Variants in KLHL29 observed in about 807,000 individuals in gnomAD.
The protein encoded by KLHL29 is kelch-like protein 29.
In KLHL29, 21 loss-of-function variants were observed where a neutral mutation model predicts 80.4. The observed-to-expected ratio is 0.26, with a 90% CI of 0.19 to 0.38. KLHL29 has a LOEUF of 0.38. Ranked by LOEUF, KLHL29 falls within the 10% of genes least tolerant of loss-of-function variation. The pLI is 1.00. For missense variants in KLHL29, 867 were observed against 1,223.9 expected (o/e 0.71, Z 4.35); for synonymous variants, 511 against 526.8 (o/e 0.97, Z 0.41).
At chr2:23,598,033 C>T (rs1162005254) in intron 3 of KLHL29, among the ~76,000 whole-genome samples, 1 of 152,154 alleles carries the variant, frequency 6.6e-6, no homozygotes, top group Non-Finnish European at 1.5e-5. Flanking sequence ...ATCCGAAAGT[C>T]AGTGAGAGAT....
intron 2 of KLHL29, among the ~76,000 whole-genome samples, chr2:23,494,443 G>A (rs935724422): frequency 6.6e-6 from 1 of 152,136 alleles, no homozygotes; most frequent in Non-Finnish European, 1.5e-5. Flanking sequence ...TTAAGGAAAC[G>A]CTTCCTGGGA....
chr2:23,681,881 T>C lies in KLHL29; in HGVS notation c.941-2518T>C, dbSNP rs1316306727. On this transcript the variant is annotated intron_variant, in intron 5 of 13. Coordinates refer to ENST00000486442, the MANE Select transcript of KLHL29 (RefSeq NM_052920.2). This position sits in a 1 kb window ranked among gnomAD's most constrained non-coding sequence, Gnocchi z 4.2. ...ACGTGTGAGCATGGCAGCTGAGCCT[T>C]ATCCAGCCTGGCCCTGCAACTGGCC... 5.3e-5 allele frequency among the ~76,000 whole-genome samples: 8 copies of C among 152,154 alleles called. No homozygotes were observed. The highest frequency in any genetic ancestry group is 8.8e-5 in the Non-Finnish European group (6 of 68,014).
chr2:23,417,996 G>A (rs185607414), intron 1 of KLHL29, among the ~76,000 whole-genome samples: 1 of 152,260 alleles, frequency 6.6e-6, no homozygotes, highest in African/African-American at 2.4e-5. Flanking sequence ...TTTCCCCTCA[G>A]CTAGATTGTG....
At chr2:23,458,702 G>A (rs1182351875) in intron 1 of KLHL29, among the ~76,000 whole-genome samples, 32 of 152,230 alleles carry the variant, frequency 2.1e-4, no homozygotes, top group Non-Finnish European at 7.3e-5. Context: ...CAGGTGAAGA[G>A]AGAGAGGAAC....
intron 3 of KLHL29, among the ~76,000 whole-genome samples, chr2:23,579,537 C>A (rs1667929007): frequency 6.6e-6 from 1 of 152,150 alleles, no homozygotes; most frequent in South Asian, 2.1e-4. Flanking sequence ...TACTACCCAT[C>A]AGTGAGCTGA....
chr2:23,666,561 C>G (rs559806545), intron 5 of KLHL29, among the ~76,000 whole-genome samples: 2 of 152,350 alleles, frequency 1.3e-5, no homozygotes, highest in East Asian at 3.9e-4. Flanking sequence ...TTATGGAGAC[C>G]ATGACTGTTC....
intron 1 of KLHL29, among the ~76,000 whole-genome samples, chr2:23,442,768 A>C (rs115524326): frequency 6.6e-6 from 1 of 152,208 alleles, no homozygotes; most frequent in Non-Finnish European, 1.5e-5. Context: ...GGGAGGGGCC[A>C]TACACAGAGG....
chr2:23,699,376 T>TG (rs1435662470), intron 11 of KLHL29, among the ~76,000 whole-genome samples: 1 of 152,146 alleles, frequency 6.6e-6, no homozygotes, highest in Non-Finnish European at 1.5e-5. Flanking sequence ...AGCAGCATGG[T>TG]GGGCGGTAGA....
At chr2:23,636,709 T>C (rs1041323751) in intron 3 of KLHL29, among the ~76,000 whole-genome samples, 1 of 152,160 alleles carries the variant, frequency 6.6e-6, no homozygotes. Flanking sequence ...AGAAACAAAC[T>C]AAATGAGTGA....
At chr2:23,407,213 A>T (rs930149995) in intron 1 of KLHL29, among the ~76,000 whole-genome samples, 1 of 152,184 alleles carries the variant, frequency 6.6e-6, no homozygotes, top group African/African-American at 2.4e-5. Flanking sequence ...AAATCTGTGG[A>T]CATTTTGGGT....
intron 11 of KLHL29, among the ~76,000 whole-genome samples, chr2:23,699,692 G>A (rs765068723): frequency 3.3e-5 from 5 of 151,992 alleles, no homozygotes; most frequent in Non-Finnish European, 4.4e-5. Context: ...TTGCCTTCTC[G>A]GCGCCCAGCC....
intron 2 of KLHL29, among the ~76,000 whole-genome samples, chr2:23,485,121 G>A (rs1422087578): frequency 6.6e-6 from 1 of 152,094 alleles, no homozygotes; most frequent in East Asian, 1.9e-4. Flanking sequence ...AGCCTGCAGA[G>A]CCAAACACCC....
chr2:23,670,918 C>T (rs1490252149), intron 5 of KLHL29, among the ~76,000 whole-genome samples: 1 of 790 alleles, frequency 1.3e-3, no homozygotes, highest in Non-Finnish European at 3.0e-3. Context: ...CATGCACGCG[C>T]TCTCTCTCTC....
chr2:23,464,167 T>A (rs1220946894), intron 1 of KLHL29, among the ~76,000 whole-genome samples: 1 of 152,218 alleles, frequency 6.6e-6, no homozygotes, highest in Non-Finnish European at 1.5e-5. Context: ...TCTGTTTTTG[T>A]TAGACTTTTG....
In KLHL29 at chr2:23,700,272, A is replaced by G. The variant is rs112766511; in HGVS notation, c.2106-2914A>G. Among the ~76,000 whole-genome samples the G allele has an allele frequency of 6.6e-6, 1 of 152,202 alleles. No homozygotes were observed. Among genetic ancestry groups the G allele is most frequent in the African/African-American group, 2.4e-5 (1 of 41,440 alleles). Reference sequence around the variant, plus strand: ...GAGATCTGAAGTTAAAATTACAGGAACTCTGAGCCAGTTGTTTTAACCACA... The same window carrying G: ...GAGATCTGAAGTTAAAATTACAGGAGCTCTGAGCCAGTTGTTTTAACCACA... On this transcript the variant is annotated intron_variant, in intron 11 of 13. Transcript: ENST00000486442. This position sits in a 1 kb window ranked among gnomAD's most constrained non-coding sequence, Gnocchi z 4.6.
intron 1 of KLHL29, among the ~76,000 whole-genome samples, chr2:23,462,219 A>G (rs1313530407): frequency 6.6e-6 from 1 of 152,058 alleles, no homozygotes; most frequent in Admixed American, 6.6e-5. Context: ...TTTTAAATAC[A>G]TGTGTCTCTC....
chr2:23,434,236 G>C (rs908007123), intron 1 of KLHL29, among the ~76,000 whole-genome samples: 1 of 148,416 alleles, frequency 6.7e-6, no homozygotes, highest in African/African-American at 2.5e-5. Flanking sequence ...CAGGAGAATG[G>C]TGTGAACCCG....
intron 13 of KLHL29, among the ~76,000 whole-genome samples, chr2:23,704,584 T>A (rs902096831): frequency 6.6e-6 from 1 of 152,134 alleles, no homozygotes; most frequent in Non-Finnish European, 1.5e-5. Flanking sequence ...TTGGCCAACA[T>A]GGTAAAACCC....
At chr2:23,515,588 C>T (rs1665896799) in intron 2 of KLHL29, among the ~76,000 whole-genome samples, 2 of 152,136 alleles carry the variant, frequency 1.3e-5, no homozygotes, top group Non-Finnish European at 2.9e-5. Context: ...AAAGGTCCAC[C>T]CTTAAAGGCA....
Sources: gnomAD v4.1 joint callset for allele counts (sites outside exome capture counted in the v4.1 genomes callset) on GRCh38, gnomAD v4.1.1 for gene constraint, Gnocchi (gnomAD v3.1) non-coding constraint, MANE v1.5 for transcripts, NCBI Gene and HGNC (gene_info 2026-07-23, HGNC 2026-07-21) for gene names.